Variants in POU2F2 observed in about 807,000 individuals in gnomAD.
POU2F2 encodes the protein POU domain, class 2, transcription factor 2.
POU2F2 carries 14 observed loss-of-function variants against 63.5 expected under a neutral mutation model. The ratio of observed to expected loss-of-function variants is 0.22; its 90% confidence interval spans 0.15 to 0.34. The LOEUF is 0.34. POU2F2 is among the 10% of genes least tolerant of loss of function. POU2F2 has a pLI of 1.00. For missense variants in POU2F2, 607 were observed against 815.2 expected (o/e 0.74, Z 3.11); for synonymous variants, 306 against 348.6 (o/e 0.88, Z 1.36).
chr19:42,151,520 C>T (rs983631549), intron 2 of POU2F2, among the ~76,000 whole-genome samples: 1 of 152,120 alleles, frequency 6.6e-6, no homozygotes. Flanking sequence ...CCCCTCTGGC[C>T]CTGCTCTCAC....
In POU2F2 at chr19:42,169,618, A is replaced by G. The variant is rs1253460498; in HGVS notation, c.-70+6345T>C. 1.3e-5 allele frequency among the ~76,000 whole-genome samples: 2 copies of G among 152,164 alleles called. No homozygotes were observed. The highest frequency in any genetic ancestry group is 2.4e-5 in the African/African-American group (1 of 41,438). ...GGTGCACATGGCTACCATGTGTTTCAGAATCTGTGTATGTCTCTTGCAGGA... is the reference window on the plus strand; with the variant it reads ...GGTGCACATGGCTACCATGTGTTTCGGAATCTGTGTATGTCTCTTGCAGGA... On this transcript the variant is annotated intron_variant, in intron 1 of 6. Coordinates refer to the POU2F2 transcript ENST00000524801. This position sits in a 1 kb window ranked among gnomAD's most constrained non-coding sequence, Gnocchi z 4.3.
intron 1 of POU2F2, among the ~76,000 whole-genome samples, chr19:42,170,545 G>C (rs899105541): frequency 4.6e-5 from 7 of 152,014 alleles, no homozygotes; most frequent in African/African-American, 1.7e-4. Context: ...CAACAAGAAA[G>C]GTCCCTGAAC....
intron 5 of POU2F2, among the ~76,000 whole-genome samples, chr19:42,103,982 T>C (rs545856099): frequency 6.6e-6 from 1 of 152,164 alleles, no homozygotes; most frequent in African/African-American, 2.4e-5. Context: ...TGCAAATAAC[T>C]CTATATAATT....
chr19:42,097,495 CTTT>C (rs565786464), intron 7 of POU2F2, among the ~76,000 whole-genome samples: 2 of 136,328 alleles, frequency 1.5e-5, no homozygotes, highest in Admixed American at 7.3e-5. Flanking sequence ...TGCGCCCTGC[CTTT>C]TTTTTTTTTT....
intron 1 of POU2F2, among the ~76,000 whole-genome samples, chr19:42,128,202 C>T (rs79570085): frequency 9.9e-4 from 151 of 152,112 alleles, no homozygotes; most frequent in African/African-American, 3.4e-3. Context: ...CCTAGGAGTA[C>T]GTCTTTGGAA....
chr19:42,114,637 GCCGCGGATCATGTGGTTAGAGCC>G (rs2031613140), intron 5 of POU2F2, among the ~76,000 whole-genome samples: 1 of 152,228 alleles, frequency 6.6e-6, no homozygotes, highest in Non-Finnish European at 1.5e-5. Flanking sequence ...AAAAGCAGCA[GCCGCGGATCATGTGGTTAGAGCC>G]CTGGACTTCC....
Position 42,153,413 on chromosome 19 carries a change from C to T in POU2F2, c.-9+6919G>A, listed in dbSNP as rs2034393393. 6.6e-6 allele frequency among the ~76,000 whole-genome samples: 1 copy of T among 152,136 alleles called. No individual in the cohort carries two copies. The highest frequency in any genetic ancestry group is 2.4e-5 in the African/African-American group (1 of 41,408). ...ACACCTCAGGGATCTCCTCTGTCCC[C>T]AGTTAATGGGGTAGCTATGTGTTCC... is the stretch of plus-strand genomic sequence containing the variant. On this transcript the variant is annotated intron_variant, in intron 2 of 6. Coordinates refer to the POU2F2 transcript ENST00000524801. This position sits in a 1 kb window ranked among gnomAD's most constrained non-coding sequence, Gnocchi z 5.6.
chr19:42,195,229 C>A lies in POU2F2; in HGVS notation c.-70+1154G>T, dbSNP rs867544326. Among the ~76,000 whole-genome samples, 12 of 151,946 alleles carry A rather than the reference C, an allele frequency of 7.9e-5. No individual in the cohort carries two copies. The Middle Eastern group carries it at 0.017, about 215-fold the overall frequency. The stretch of plus-strand genomic sequence containing the variant: ...TGGGCAGGTGGCTCCCTGATATCCC[C>A]CAGCGTCCCTGCTGTTAACGTTATT... On this transcript the variant is annotated intron_variant, in intron 1 of 5. Transcript: ENST00000532176.
chr19:42,097,693 C>T lies in POU2F2; in HGVS notation c.568-1450G>A, dbSNP rs145023670. On this transcript the variant is annotated intron_variant, in intron 7 of 14. Coordinates refer to ENST00000692977, the MANE Select transcript of POU2F2 (RefSeq NM_001394376.1). ...AGCATGTGGGGCGTGACTGTAGTAC[C>T]AGCAACTCAGGAGGGCTGGGGACTG... is the stretch of plus-strand genomic sequence containing the variant. 1.4e-4 allele frequency among the ~76,000 whole-genome samples: 21 copies of T among 152,116 alleles called. No homozygotes were observed. In the East Asian group the frequency reaches 4.1e-3, roughly 29 times the overall value.
intron 1 of POU2F2, among the ~76,000 whole-genome samples, chr19:42,189,565 TC>T (rs1268804499): frequency 3.9e-5 from 6 of 152,214 alleles, no homozygotes; most frequent in African/African-American, 1.4e-4. Flanking sequence ...TAAATATCTT[TC>T]TTGCTTAAGT....
upstream of POU2F2, among the ~76,000 whole-genome samples, chr19:42,197,334 T>C (rs1314786354): frequency 6.6e-6 from 1 of 152,126 alleles, no homozygotes; most frequent in Non-Finnish European, 1.5e-5. Context: ...TGAGTAGGTG[T>C]CCAGTGGAAC....
chr19:42,124,676 C>G (rs2033023937), intron 1 of POU2F2, among the ~76,000 whole-genome samples: 1 of 152,212 alleles, frequency 6.6e-6, no homozygotes, highest in South Asian at 2.1e-4. Context: ...GGGCCGTCAA[C>G]AGGTGAATGG....
chr19:42,091,109 TTTG>T lies in POU2F2; in HGVS notation c.*145_*147del. 8 of 589,126 alleles carry T rather than the reference TTTG, an allele frequency of 1.4e-5. No homozygotes were observed. Among genetic ancestry groups the T allele is most frequent in the East Asian group, 3.2e-5 (1 of 30,876 alleles). 36.5% of individuals were successfully genotyped at this position (589,126 alleles called of 1,614,324 possible). On this transcript the variant is annotated 3_prime_UTR_variant, in exon 15 of 15. Coordinates refer to ENST00000692977, the MANE Select transcript of POU2F2 (RefSeq NM_001394376.1). ...AGTTTCTTTCCTTTTTTTTTTTTTT[TTTG>T]GTTGGTTGTTTTTTTGGTCTTTCCT... is the stretch of plus-strand genomic sequence containing the variant.
At chr19:42,167,037 A>ATGAACAACACAAAGTCCC in intron 1 of POU2F2, among the ~76,000 whole-genome samples, 1 of 152,230 alleles carries the variant, frequency 6.6e-6, no homozygotes, top group East Asian at 1.9e-4. Context: ...GGATACAACT[A>ATGAACAACACAAAGTCCC]TGAACAACAC....
intron 2 of POU2F2, among the ~76,000 whole-genome samples, chr19:42,139,976 G>A (rs984819980): frequency 2.0e-5 from 3 of 152,224 alleles, no homozygotes; most frequent in Non-Finnish European, 4.4e-5. Flanking sequence ...AATGAGGCTG[G>A]AGTGAACCCA....
At chr19:42,183,467 G>A (rs2034984198) in intron 1 of POU2F2, among the ~76,000 whole-genome samples, 1 of 152,210 alleles carries the variant, frequency 6.6e-6, no homozygotes, top group Non-Finnish European at 1.5e-5. Flanking sequence ...GCGCCGGAGG[G>A]AACTTTTTAG....
intron 2 of POU2F2, among the ~76,000 whole-genome samples, chr19:42,158,456 C>A (rs1431436230): frequency 6.6e-6 from 1 of 152,210 alleles, no homozygotes; most frequent in African/African-American, 2.4e-5. Context: ...CAAATTCTAA[C>A]TCTACTGCTT....
chr19:42,140,454 C>T (rs996781118), intron 2 of POU2F2, among the ~76,000 whole-genome samples: 2 of 152,206 alleles, frequency 1.3e-5, no homozygotes, highest in Non-Finnish European at 2.9e-5. Context: ...AGGACCTCCC[C>T]GCTGGCCACA....
upstream of POU2F2, among the ~76,000 whole-genome samples, chr19:42,197,308 G>A (rs929443224): frequency 2.6e-4 from 39 of 152,172 alleles, no homozygotes; most frequent in African/African-American, 9.2e-4. Flanking sequence ...AGTGTGGCTG[G>A]GGGCTAAATA....
Sources: gnomAD v4.1 joint callset for allele counts (sites outside exome capture counted in the v4.1 genomes callset) on GRCh38, gnomAD v4.1.1 for gene constraint, Gnocchi (gnomAD v3.1) non-coding constraint, MANE v1.5 for transcripts, NCBI Gene and HGNC (gene_info 2026-07-23, HGNC 2026-07-21) for gene names.